The following TMEM117 variants were observed in gnomAD, a reference collection of about 807,000 sequenced individuals.
The protein encoded by TMEM117 is transmembrane protein 117.
A neutral mutation model predicts 52.4 loss-of-function variants in TMEM117; 27 were observed. The observed-to-expected ratio is 0.51, with a 90% CI of 0.38 to 0.71. The LOEUF is 0.71. Ranked by LOEUF, TMEM117 falls within the 30% of genes least tolerant of loss-of-function variation. TMEM117 has a pLI of 0.00. For missense variants in TMEM117, 556 were observed against 630.5 expected, an observed-to-expected ratio of 0.88 and a Z score of 1.26; for synonymous variants, 215 against 206.3, an observed-to-expected ratio of 1.04 and a Z score of -0.36.
chr12:44,327,470 G>A (rs373370043), intron 6 of TMEM117, among the ~76,000 whole-genome samples: 2 of 152,284 alleles, frequency 1.3e-5, no homozygotes, highest in African/African-American at 4.8e-5. Context: ...GTGTTATACA[G>A]TATGTTAACT....
chr12:44,134,268 C>A (rs773715292), intron 3 of TMEM117, among the ~76,000 whole-genome samples: 16 of 152,070 alleles, frequency 1.1e-4, no homozygotes, highest in Non-Finnish European at 2.2e-4. Flanking sequence ...GGCTTGAGTG[C>A]AGTGGTGCAA....
chr12:44,140,639 T>A (rs952915321), intron 3 of TMEM117, among the ~76,000 whole-genome samples: 1 of 152,078 alleles, frequency 6.6e-6, no homozygotes, highest in Admixed American at 6.6e-5. Flanking sequence ...AACATTTACT[T>A]TTTCCTTTGT....
chr12:43,803,479 C>T, the TMEM117 span, among the ~76,000 whole-genome samples: 3 of 152,080 alleles, frequency 2.0e-5, no homozygotes, highest in African/African-American at 7.2e-5. Flanking sequence ...ATTTATGATA[C>T]AATTTTAGTC....
At chr12:43,972,053 G>A (rs942686078) in intron 3 of TMEM117, among the ~76,000 whole-genome samples, 2 of 152,158 alleles carry the variant, frequency 1.3e-5, no homozygotes, top group African/African-American at 4.8e-5. Flanking sequence ...GGAGCCCTTG[G>A]AGGAACAGGG....
At chr12:43,985,559 G>T (rs1945834622) in intron 3 of TMEM117, among the ~76,000 whole-genome samples, 1 of 152,272 alleles carries the variant, frequency 6.6e-6, no homozygotes, top group African/African-American at 2.4e-5. Flanking sequence ...AAAAATAATT[G>T]TGGATGATTA....
rs894906511 is a variant in TMEM117 at position 44,146,712 on chromosome 12, A to T, written c.510+3088A>T. Among the ~76,000 whole-genome samples, 31 of 152,294 alleles carry T rather than the reference A, an allele frequency of 2.0e-4. No homozygotes were observed. The Middle Eastern group carries it at 0.01, about 50-fold the overall frequency. ...ATTTAAAAAAATAATATTTTCCCTC[A>T]TGAGAGAAGTCTAACGTAGCCTTGA... On this transcript the variant is annotated intron_variant, in intron 4 of 7. Transcript: ENST00000266534.
chr12:43,885,485 T>C (rs572536975), intron 2 of TMEM117, among the ~76,000 whole-genome samples: 1 of 141,928 alleles, frequency 7.0e-6, no homozygotes, highest in Non-Finnish European at 1.5e-5. Flanking sequence ...AAAAAACAAA[T>C]GTGAATTCAT....
chr12:43,878,398 T>A (rs1457282837), intron 2 of TMEM117, among the ~76,000 whole-genome samples: 1 of 152,166 alleles, frequency 6.6e-6, no homozygotes, highest in Non-Finnish European at 1.5e-5. Context: ...TCAGCTTACA[T>A]CCTGGTCTGG....
chr12:44,271,028 A>G (rs1950439473), intron 5 of TMEM117, among the ~76,000 whole-genome samples: 3 of 152,064 alleles, frequency 2.0e-5, no homozygotes, highest in Non-Finnish European at 4.4e-5. Flanking sequence ...CCACTTGACC[A>G]TGGTGGATCA....
chr12:44,177,231 A>T (rs930755144), intron 4 of TMEM117, among the ~76,000 whole-genome samples: 1 of 152,200 alleles, frequency 6.6e-6, no homozygotes, highest in Non-Finnish European at 1.5e-5. Flanking sequence ...TCAAGTCTCT[A>T]AGTCTGTAAA....
chr12:44,043,400 G>C (rs1351964552), intron 3 of TMEM117, among the ~76,000 whole-genome samples: 4 of 152,118 alleles, frequency 2.6e-5, no homozygotes, highest in Non-Finnish European at 5.9e-5. Flanking sequence ...GGAAAAGAAC[G>C]GGACCCTGAA....
At position 44,123,757 on chromosome 12, in the gene TMEM117, T is replaced by G. The variant is rs570962246; in HGVS notation, c.411-19768T>G. Among the ~76,000 whole-genome samples, 13 of 152,340 alleles carry G rather than the reference T, an allele frequency of 8.5e-5. No individual in the cohort carries two copies. The South Asian group carries it at 2.7e-3, about 32-fold the overall frequency. On this transcript the variant is annotated intron_variant, in intron 3 of 7. Transcript: ENST00000266534. ...GGTTTTCTATTCTGTTACATTGGTATATGTGTCCGTTTTTGTACTGGTACC... is the reference window on the plus strand; with the variant it reads ...GGTTTTCTATTCTGTTACATTGGTAGATGTGTCCGTTTTTGTACTGGTACC...
At chr12:44,297,832 A>G (rs148914104) in intron 5 of TMEM117, among the ~76,000 whole-genome samples, 1 of 152,206 alleles carries the variant, frequency 6.6e-6, no homozygotes, top group Non-Finnish European at 1.5e-5. Flanking sequence ...CACTATTCTT[A>G]TTACATAATA....
chr12:44,009,932 C>A, intron 3 of TMEM117: 1 of 272,888 alleles, frequency 3.7e-6, no homozygotes, highest in South Asian at 4.3e-5. Context: ...AGCATAATTT[C>A]TGAAGTAGGC....
intron 6 of TMEM117, among the ~76,000 whole-genome samples, chr12:44,338,940 A>G (rs1039751332): frequency 2.6e-5 from 4 of 152,074 alleles, no homozygotes; most frequent in African/African-American, 9.7e-5. Context: ...TATGTCTTGT[A>G]GAACAGCTGC....
intron 3 of TMEM117, among the ~76,000 whole-genome samples, chr12:44,075,434 GT>G (rs1947367096): frequency 6.6e-6 from 1 of 152,228 alleles, no homozygotes; most frequent in African/African-American, 2.4e-5. Flanking sequence ...TTAATGTTCT[GT>G]AGTTGCTATC....
Position 44,024,141 on chromosome 12 carries a change from G to A in TMEM117, c.410+79799G>A, listed in dbSNP as rs140083385. ...ACATTTGCTCCTTGTGAGCCTAAGC[G>A]TAATATTGCTAAGTGCAGCACTAAG... On this transcript the variant is annotated intron_variant, in intron 3 of 7. Coordinates refer to ENST00000266534, the MANE Select transcript of TMEM117 (RefSeq NM_032256.3). Among the ~76,000 whole-genome samples the A allele has an allele frequency of 1.9e-3, 290 of 152,282 alleles. 1 individual carries two copies. Among genetic ancestry groups the A allele is most frequent in the African/African-American group, 6.5e-3 (270 of 41,556 alleles).
intron 6 of TMEM117, among the ~76,000 whole-genome samples, chr12:44,363,953 C>T (rs1264823144): frequency 6.6e-6 from 1 of 152,130 alleles, no homozygotes; most frequent in Non-Finnish European, 1.5e-5. Flanking sequence ...GAACTGATTT[C>T]TGAATAGTCT....
intron 5 of TMEM117, among the ~76,000 whole-genome samples, chr12:44,255,151 T>G (rs1356929213): frequency 6.6e-6 from 1 of 152,218 alleles, no homozygotes; most frequent in African/African-American, 2.4e-5. Context: ...CAGCATGATT[T>G]ATAATCCTTT....
Sources: allele counts gnomAD v4.1 joint callset (sites outside exome capture counted in the v4.1 genomes callset), GRCh38; gene constraint gnomAD v4.1.1; transcripts MANE v1.5; gene names NCBI Gene and HGNC (gene_info 2026-07-23, HGNC 2026-07-21).